The following CNTNAP2 variants were observed in gnomAD, a reference collection of about 807,000 sequenced individuals.
The protein encoded by CNTNAP2 is contactin-associated protein-like 2.
CNTNAP2 carries 98 observed loss-of-function variants against 155.2 expected under a neutral mutation model. The observed-to-expected ratio is 0.63, with a 90% CI of 0.54 to 0.75. CNTNAP2 has a LOEUF of 0.75. CNTNAP2 is among the 30% of genes least tolerant of loss of function. The probability of loss-of-function intolerance (pLI) is 0.00; values close to 1 mark genes in which losing one functional copy is unlikely to be tolerated. For missense variants in CNTNAP2, 1,727 were observed against 1,688.1 expected (o/e 1.02, Z -0.40); for synonymous variants, 651 against 631.2 (o/e 1.03, Z -0.47).
At chr7:147,436,854 A>G (rs1423990738) in intron 10 of CNTNAP2, among the ~76,000 whole-genome samples, 1 of 152,142 alleles carries the variant, frequency 6.6e-6, no homozygotes, top group Non-Finnish European at 1.5e-5. Flanking sequence ...TAATGCTTTT[A>G]TTTCAAAGTG....
At chr7:146,935,303 G>T (rs1356671204) in intron 3 of CNTNAP2, among the ~76,000 whole-genome samples, 1 of 152,176 alleles carries the variant, frequency 6.6e-6, no homozygotes, top group African/African-American at 2.4e-5. Flanking sequence ...CACTTACTGG[G>T]TATACTTTTA....
At chr7:147,609,917 A>G (rs559059686) in intron 12 of CNTNAP2, among the ~76,000 whole-genome samples, 52 of 152,084 alleles carry the variant, frequency 3.4e-4, no homozygotes, top group Non-Finnish European at 6.3e-4. Context: ...CAAATGGCCC[A>G]GAGCATAGGG....
chr7:146,654,336 C>G (rs945421319), intron 1 of CNTNAP2, among the ~76,000 whole-genome samples: 8 of 151,892 alleles, frequency 5.3e-5, no homozygotes, highest in Non-Finnish European at 1.2e-4. Context: ...TGTGTTTACA[C>G]TGATGAATGT....
intron 13 of CNTNAP2, among the ~76,000 whole-genome samples, chr7:147,765,672 C>T (rs564733158): frequency 3.3e-5 from 5 of 151,926 alleles, no homozygotes; most frequent in Non-Finnish European, 7.4e-5. Flanking sequence ...TTTATGATTG[C>T]GTATAAAGTA....
chr7:148,390,693 T>G (rs558521635), intron 22 of CNTNAP2, among the ~76,000 whole-genome samples: 1 of 152,350 alleles, frequency 6.6e-6, no homozygotes, highest in East Asian at 1.9e-4. Flanking sequence ...TTCTACTGTC[T>G]GAGATCATAG....
chr7:147,521,822 T>C (rs1799234011), intron 11 of CNTNAP2, among the ~76,000 whole-genome samples: 1 of 152,160 alleles, frequency 6.6e-6, no homozygotes, highest in South Asian at 2.1e-4. Flanking sequence ...TGCTTATCTG[T>C]GAAACATAAT....
At chr7:146,403,991 G>T (rs900566913) in intron 1 of CNTNAP2, among the ~76,000 whole-genome samples, 1 of 150,734 alleles carries the variant, frequency 6.6e-6, no homozygotes. Context: ...CGGGCGTAGT[G>T]GCGGGCGCCT....
intron 1 of CNTNAP2, among the ~76,000 whole-genome samples, chr7:146,273,511 A>T (rs567282399): frequency 6.6e-6 from 1 of 152,214 alleles, no homozygotes; most frequent in African/African-American, 2.4e-5. Context: ...ACCTAAAGAA[A>T]TGGGGGTGGG....
At chr7:146,802,496 G>A (rs781549620) in intron 2 of CNTNAP2, among the ~76,000 whole-genome samples, 2 of 152,138 alleles carry the variant, frequency 1.3e-5, no homozygotes, top group Non-Finnish European at 2.9e-5. Flanking sequence ...GGACCTGGTA[G>A]GAGATGATCA....
chr7:147,693,229 C>G (rs940254900), intron 13 of CNTNAP2, among the ~76,000 whole-genome samples: 2 of 152,010 alleles, frequency 1.3e-5, no homozygotes, highest in Non-Finnish European at 2.9e-5. Flanking sequence ...TTGCCAACAC[C>G]ACACTGTCTT....
At chr7:147,254,741 A>G (rs1804283704) in intron 8 of CNTNAP2, among the ~76,000 whole-genome samples, 3 of 152,166 alleles carry the variant, frequency 2.0e-5, no homozygotes, top group African/African-American at 7.2e-5. Context: ...GACATCTTAG[A>G]ATCTGAGGAA....
chr7:146,501,711 AAG>A (rs775009871), intron 1 of CNTNAP2, among the ~76,000 whole-genome samples: 1 of 152,072 alleles, frequency 6.6e-6, no homozygotes, highest in Admixed American at 6.6e-5. Flanking sequence ...CATTTGATAA[AAG>A]AGTGTTTGCA....
chr7:147,228,631 A>G (rs1435541339), intron 8 of CNTNAP2, among the ~76,000 whole-genome samples: 5 of 152,134 alleles, frequency 3.3e-5, no homozygotes, highest in African/African-American at 4.8e-5. Context: ...TAAATGAAGA[A>G]TTTCCATTAG....
In CNTNAP2 at chr7:147,110,376, T is replaced by A. The variant is rs377750201; in HGVS notation, c.754+2026T>A. Among the ~76,000 whole-genome samples, 1,285 of 151,600 alleles carry A rather than the reference T, an allele frequency of 8.5e-3. 18 individuals are homozygous for A. Among genetic ancestry groups the A allele is most frequent in the Middle Eastern group, 0.024 (7 of 294 alleles). The stretch of plus-strand genomic sequence containing the variant: ...ATGGTACCTTTTTCTTTTTTTTTTT[T>A]AAATTTAAGTTCATGAATGCATGGG... On this transcript the variant is annotated intron_variant, in intron 5 of 23. Coordinates refer to ENST00000361727, the MANE Select transcript of CNTNAP2 (RefSeq NM_014141.6).
intron 1 of CNTNAP2, among the ~76,000 whole-genome samples, chr7:146,713,314 A>G (rs1010892959): frequency 2.6e-5 from 4 of 152,136 alleles, no homozygotes; most frequent in African/African-American, 9.7e-5. Context: ...TGACAGCTGC[A>G]GTTATTAATT....
intron 21 of CNTNAP2, among the ~76,000 whole-genome samples, chr7:148,330,235 TGGA>T (rs1398615460): frequency 6.9e-6 from 1 of 144,098 alleles, no homozygotes; most frequent in African/African-American, 2.6e-5. Flanking sequence ...ATGGAATGGA[TGGA>T]TGGAATGGAT....
chr7:147,498,171 T>TAAAA (rs58638014), intron 11 of CNTNAP2, among the ~76,000 whole-genome samples: 37 of 130,422 alleles, frequency 2.8e-4, no homozygotes, highest in African/African-American at 9.2e-4. Context: ...CAAGCTATGA[T>TAAAA]AAAAAAAAAA....
intron 9 of CNTNAP2, among the ~76,000 whole-genome samples, chr7:147,320,201 G>A (rs965326103): frequency 6.6e-6 from 1 of 152,152 alleles, no homozygotes; most frequent in Non-Finnish European, 1.5e-5. Flanking sequence ...AGTGAAAAGA[G>A]TCATGGAGCC....
chr7:146,407,404 C>A (rs1006856493), intron 1 of CNTNAP2, among the ~76,000 whole-genome samples: 5 of 152,084 alleles, frequency 3.3e-5, no homozygotes, highest in Admixed American at 6.6e-5. Context: ...ATTCAAGTCT[C>A]ATGAAATGTA....
Sources: allele counts gnomAD v4.1 joint callset (sites outside exome capture counted in the v4.1 genomes callset), GRCh38; gene constraint gnomAD v4.1.1; transcripts MANE v1.5; gene names NCBI Gene and HGNC (gene_info 2026-07-23, HGNC 2026-07-21).